RBM11: variants seen among roughly 807,000 people sequenced by gnomAD.
RBM11 encodes RNA binding motif protein 11.
Under a neutral mutation model 21.4 loss-of-function variants are expected in RBM11, and 18 were observed. The ratio of observed to expected loss-of-function variants is 0.84; its 90% CI spans 0.58 to 1.25. RBM11 has a LOEUF of 1.25. Among genes scored for constraint, RBM11 ranks in the 50% most tolerant of loss-of-function variants. The pLI, the probability that RBM11 is intolerant of heterozygous loss-of-function variation, is 0.00. For missense variants in RBM11, 294 were observed against 331.9 expected (o/e 0.89, Z 0.89); for synonymous variants, 120 against 116.3 (o/e 1.03, Z -0.20).
In RBM11 at chr21:14,221,096, G is replaced by T; in HGVS notation, c.260-1G>T. 6.4e-7 allele frequency: 1 copy of T among 1,569,616 alleles called. No individual in the cohort carries two copies. The highest frequency in any genetic ancestry group is 2.3e-5 in the East Asian group (1 of 43,586). ...AACCTGTTACTCTGTTTCTTTCAAA[G>T]GGAGTTCTCGCTCTTCTGAACCAGC... On this transcript the variant is annotated splice_acceptor_variant, in intron 2 of 4. Coordinates refer to ENST00000400577, the MANE Select transcript of RBM11 (RefSeq NM_144770.5). LOFTEE classifies it high-confidence loss of function.
intron 1 of RBM11, among the ~76,000 whole-genome samples, chr21:14,217,748 C>T (rs577922881): frequency 6.6e-6 from 1 of 151,646 alleles, no homozygotes; most frequent in Non-Finnish European, 1.5e-5. Context: ...CAACAAAAAC[C>T]GAAAGAAATA....
At chr21:14,216,357 C>G (rs1568894785) in intron 1 of RBM11, 75 bp downstream of exon 1, 1 of 1,252,132 alleles carries the variant, frequency 8.0e-7, no homozygotes, top group Non-Finnish European at 1.1e-6. Flanking sequence ...CTGGACCACC[C>G]GGAGCCCGGC....
intron 4 of RBM11, among the ~76,000 whole-genome samples, chr21:14,225,412 T>C (rs528686004): frequency 3.9e-4 from 59 of 152,298 alleles, no homozygotes; most frequent in African/African-American, 1.4e-3. Flanking sequence ...ATGGACTTCA[T>C]TGTTAAAGGT....
At chr21:14,224,669 A>G in intron 4 of RBM11, 132 bp downstream of exon 4, 1 of 1,307,260 alleles carries the variant, frequency 7.6e-7, no homozygotes, top group Non-Finnish European at 1.0e-6. Flanking sequence ...ACTGTCCTCC[A>G]GTGGTGTCCT....
intron 3 of RBM11, among the ~76,000 whole-genome samples, chr21:14,223,561 A>G (rs1055372590): frequency 6.6e-6 from 1 of 152,100 alleles, no homozygotes; most frequent in African/African-American, 2.4e-5. Context: ...TTTGATGTCA[A>G]TCTTTGGTAT....
At chr21:14,224,584 A>G (rs936047727) in intron 4 of RBM11, 47 bp downstream of exon 4, 5 of 1,507,786 alleles carry the variant, frequency 3.3e-6, no homozygotes, top group Non-Finnish European at 3.5e-6. Context: ...GATACAAACT[A>G]TGAAGAACAT....
At position 14,216,306 on chromosome 21, in the gene RBM11, C is replaced by T. The variant is rs746389062; in HGVS notation, c.96+24C>T. ...AGGTACCGTCTCTGGGAAGGGGCGG[C>T]GGAGGGGCGGAGCACGTCGGGCCGG... is the stretch of plus-strand genomic sequence containing the variant. On this transcript the variant is annotated intron_variant, in intron 1 of 4. Transcript: ENST00000400577. The T allele has an allele frequency of 4.4e-5, 70 of 1,598,270 alleles. 1 individual carries two copies. The African/African-American group carries it at 5.1e-4, about 12-fold the overall frequency.
At chr21:14,220,303 A>G (rs1978557410) in intron 2 of RBM11, among the ~76,000 whole-genome samples, 1 of 152,192 alleles carries the variant, frequency 6.6e-6, no homozygotes, top group Admixed American at 6.5e-5. Context: ...GGAACAGATC[A>G]TTCATGATTA....
chr21:14,225,183 G>A (rs1978989452), intron 4 of RBM11, among the ~76,000 whole-genome samples: 1 of 152,110 alleles, frequency 6.6e-6, no homozygotes, highest in African/African-American at 2.4e-5. Context: ...TTTATATAAT[G>A]TCATCAATCC....
In RBM11 at chr21:14,227,579, A is replaced by C. The variant is rs904896200; in HGVS notation, c.*286A>C. On this transcript the variant is annotated 3_prime_UTR_variant, in exon 5 of 5. Transcript: ENST00000400577. ...ACCAATGATGAAATTTCACCAAACT[A>C]TTAATCAAAAGTCACTTATTGAACA... 8.0e-5 allele frequency: 29 copies of C among 360,506 alleles called. No homozygotes were observed. The highest frequency in any genetic ancestry group is 5.3e-4 in the African/African-American group (25 of 47,114). The allele number at this position is 360,506 out of a possible 1,614,324, so 22.3% of individuals were successfully genotyped here.
intron 3 of RBM11, among the ~76,000 whole-genome samples, chr21:14,222,981 G>A (rs149951986): frequency 6.6e-6 from 1 of 152,184 alleles, no homozygotes; most frequent in Admixed American, 6.5e-5. Flanking sequence ...CTAGTACCAA[G>A]TGGGAAAAGG....
In RBM11 at chr21:14,227,105, C is replaced by A. The variant is rs774800235; in HGVS notation, c.658C>A (p.Pro220Thr). Residue 220 changes from proline (P) to threonine (T), a missense_variant, in exon 5 of 5, where the codon CCA (proline) becomes ACA (threonine). Coordinates refer to ENST00000400577, the MANE Select transcript of RBM11 (RefSeq NM_144770.5). ...ASVSSSLNHV[P>T]DLEAGPSSYK... is the part of the protein sequence containing the mutation. ...CGTGTCTTCCTCACTGAATCATGTT[C>A]CAGATCTTGAGGCTGGACCCAGCTC... The A allele has an allele frequency of 6.3e-7, 1 of 1,599,804 alleles. No individual in the cohort carries two copies. The highest frequency in any genetic ancestry group is 1.8e-5 in the Admixed American group (1 of 55,420).
intron 1 of RBM11, among the ~76,000 whole-genome samples, chr21:14,218,787 G>A (rs1461784942): frequency 1.3e-5 from 2 of 152,154 alleles, no homozygotes; most frequent in Non-Finnish European, 2.9e-5. Flanking sequence ...TATCATGGCT[G>A]TGATGTAATT....
chr21:14,218,869 A>AGGTT, intron 1 of RBM11, among the ~76,000 whole-genome samples: 1 of 152,230 alleles, frequency 6.6e-6, no homozygotes, highest in African/African-American at 2.4e-5. Flanking sequence ...TGCATATTAT[A>AGGTT]GGTTTTTCTA....
Position 14,222,880 on chromosome 21 carries a change from A to C in RBM11, c.333-1558A>C, listed in dbSNP as rs147854834. ...AGGTGCTTAAAATACTGAGCATACA[A>C]TGTTCCGCAAATGTTAGCATAAAGG... On this transcript the variant is annotated intron_variant, in intron 3 of 4. Coordinates refer to ENST00000400577, the MANE Select transcript of RBM11 (RefSeq NM_144770.5). Among the ~76,000 whole-genome samples, 38 of 152,314 alleles carry C rather than the reference A, an allele frequency of 2.5e-4. No homozygotes were observed. In the East Asian group the frequency reaches 7.1e-3, roughly 29 times the overall value.
At position 14,219,771 on chromosome 21, in the gene RBM11, A is replaced by G. The variant is rs368403897; in HGVS notation, c.259+46A>G. 16 of 1,480,256 alleles carry G rather than the reference A, an allele frequency of 1.1e-5. No homozygotes were observed. In the African/African-American group the frequency reaches 1.9e-4, roughly 18 times the overall value. The allele number at this position is 1,480,256 out of a possible 1,614,324, so 91.7% of individuals were successfully genotyped here. ...ATCTTCAAAGTGTTTTGTGGTTGGTACTATTCTCAGAGTTGTAAGCAATTT... is the reference window on the plus strand; with the variant it reads ...ATCTTCAAAGTGTTTTGTGGTTGGTGCTATTCTCAGAGTTGTAAGCAATTT... On this transcript the variant is annotated intron_variant, in intron 2 of 4. Transcript: ENST00000400577.
At chr21:14,218,318 A>G (rs1012791584) in intron 1 of RBM11, among the ~76,000 whole-genome samples, 11 of 152,292 alleles carry the variant, frequency 7.2e-5, no homozygotes, top group African/African-American at 2.6e-4. Context: ...ATTACAGTAT[A>G]TTTATCCTTT....
chr21:14,226,342 G>T (rs1979079028), intron 4 of RBM11, among the ~76,000 whole-genome samples: 1 of 151,990 alleles, frequency 6.6e-6, no homozygotes, highest in African/African-American at 2.4e-5. Context: ...ATGTGGGCTG[G>T]GTGCGGTGGC....
rs964426350 is a variant in RBM11, at chr21:14,227,762, G to A, written c.*469G>A. On this transcript the variant is annotated 3_prime_UTR_variant, in exon 5 of 5. Transcript: ENST00000400577. Reference sequence around the variant, plus strand: ...TTCCTAATGAGGATGTAATAAACAGGCATTAGTACCCCTTTCTTTTAGTAC... The same window carrying A: ...TTCCTAATGAGGATGTAATAAACAGACATTAGTACCCCTTTCTTTTAGTAC... 6.5e-6 allele frequency: 1 copy of A among 154,622 alleles called. No individual in the cohort carries two copies. The highest frequency in any genetic ancestry group is 1.4e-5 in the Non-Finnish European group (1 of 69,888). 9.6% of individuals were successfully genotyped at this position (154,622 alleles called of 1,614,324 possible).
Sources: gnomAD v4.1 joint callset for allele counts (sites outside exome capture counted in the v4.1 genomes callset) on GRCh38, gnomAD v4.1.1 for gene constraint, MANE v1.5 for transcripts, NCBI Gene and HGNC (gene_info 2026-07-23, HGNC 2026-07-21) for gene names.